RAI1: variants seen among roughly 807,000 people sequenced by gnomAD.
RAI1 encodes the protein retinoic acid induced 1, also known as retinoic acid-induced protein 1.
A neutral mutation model predicts 123.8 loss-of-function variants in RAI1; 9 were observed. The observed-to-expected ratio is 0.07, with a 90% confidence interval of 0.04 to 0.13. The LOEUF is 0.13. Ranked by LOEUF, RAI1 falls within the 10% of genes least tolerant of loss-of-function variation. The pLI, the probability that RAI1 is intolerant of heterozygous loss-of-function variation, is 1.00. For synonymous variants in RAI1, 1,231 were observed against 1,127.3 expected (o/e 1.09, Z -1.84); for missense variants, 2,256 against 2,545.8 (o/e 0.89, Z 2.45).
intron 2 of RAI1, among the ~76,000 whole-genome samples, chr17:17,740,004 C>G (rs1916568864): frequency 6.6e-6 from 1 of 152,234 alleles, no homozygotes; most frequent in African/African-American, 2.4e-5. Context: ...ATGGAAGCCT[C>G]CAGATGCTGC....
chr17:17,803,623 C>T (rs530341647), intron 3 of RAI1, 133 bp from the exon 4 acceptor site: 16 of 808,048 alleles, frequency 2.0e-5, no homozygotes, highest in African/African-American at 5.0e-5. Context: ...TGGACTCAGG[C>T]GATCCTCCCA....
At chr17:17,779,189 G>C (rs1005579938) in intron 2 of RAI1, 1 of 340,614 alleles carries the variant, frequency 2.9e-6, no homozygotes, top group East Asian at 7.9e-5. Context: ...AAAGCCTCCC[G>C]GGTGGCCCCA....
At chr17:17,725,473 G>A (rs1323492973) in intron 2 of RAI1, among the ~76,000 whole-genome samples, 1 of 152,150 alleles carries the variant, frequency 6.6e-6, no homozygotes, top group East Asian at 1.9e-4. Flanking sequence ...TGAGGCCATG[G>A]GAAGGGAATG....
intron 1 of RAI1, among the ~76,000 whole-genome samples, chr17:17,712,182 AGCT>A (rs552053339): frequency 9.0e-4 from 137 of 152,356 alleles, no homozygotes; most frequent in Non-Finnish European, 1.6e-3. Flanking sequence ...ATAGTCACTG[AGCT>A]GCAACTCTGT....
chr17:17,767,698 CTA>C (rs2030993499), intron 2 of RAI1, among the ~76,000 whole-genome samples: 1 of 152,240 alleles, frequency 6.6e-6, no homozygotes, highest in African/African-American at 2.4e-5. Context: ...ATCGCCCTCC[CTA>C]AGCCTCAGCC....
chr17:17,736,749 T>C (rs1264564321), intron 2 of RAI1, among the ~76,000 whole-genome samples: 2 of 152,126 alleles, frequency 1.3e-5, no homozygotes, highest in African/African-American at 4.8e-5. Context: ...AGGGCATTTT[T>C]GAGGAGTAAA....
chr17:17,714,629 CG>C lies in RAI1; in HGVS notation c.-148-9398del, dbSNP rs1192095142. On this transcript the variant is annotated intron_variant, in intron 1 of 5. Transcript: ENST00000353383. This position sits in a 1 kb window ranked among gnomAD's most constrained non-coding sequence, Gnocchi z 4.9. The stretch of plus-strand genomic sequence containing the variant: ...AGGTGAAAAACCTGAGGCTCAGAAA[CG>C]TAACGGGAAGCAGCTGGGTGCGAGC... Among the ~76,000 whole-genome samples, 3 of 152,148 alleles carry C rather than the reference CG, an allele frequency of 2.0e-5. No homozygotes were observed. In the East Asian group the frequency reaches 5.8e-4, roughly 29 times the overall value.
rs61049701 is a variant in RAI1 at position 17,688,025 on chromosome 17, C to CA, written c.-149+6253dup. Among the ~76,000 whole-genome samples, 753 of 90,026 alleles carry CA rather than the reference C, an allele frequency of 8.4e-3. 31 individuals are homozygous for CA. The highest frequency in any genetic ancestry group is 0.031 in the African/African-American group (641 of 20,794). 59.1% of individuals were successfully genotyped at this position (90,026 alleles called of 152,430 possible). On this transcript the variant is annotated intron_variant, in intron 1 of 5. Coordinates refer to ENST00000353383, the MANE Select transcript of RAI1 (RefSeq NM_030665.4). ...AGCCTGGGTGAAGGAGACTCTGTCT[C>CA]AAAAAAAAAAAAAAAAAAAAAGTGA...
Position 17,753,395 on chromosome 17 carries a change from C to G in RAI1, c.-17+29236C>G, listed in dbSNP as rs188731495. On this transcript the variant is annotated intron_variant, in intron 2 of 5. Coordinates refer to ENST00000353383, the MANE Select transcript of RAI1 (RefSeq NM_030665.4). ...AGAGCAGCGAGAAAATCTCCACACC[C>G]CTTACCCCCATGGCACTCCCACAAA... 2.0e-5 allele frequency among the ~76,000 whole-genome samples: 3 copies of G among 152,322 alleles called. 1 individual carries two copies. Among genetic ancestry groups the G allele is most frequent in the Admixed American group, 2.0e-4 (3 of 15,306 alleles).
rs1474227046 is a variant in RAI1, at chr17:17,800,816, G to A, written c.5565+2303G>A. Among the ~76,000 whole-genome samples the A allele has an allele frequency of 1.3e-5, 2 of 152,246 alleles. No homozygotes were observed. Among genetic ancestry groups the A allele is most frequent in the Non-Finnish European group, 2.9e-5 (2 of 68,042 alleles). On this transcript the variant is annotated intron_variant, in intron 3 of 5. Coordinates refer to ENST00000353383, the MANE Select transcript of RAI1 (RefSeq NM_030665.4). The surrounding 1 kb of genome is among the most constrained non-coding windows in gnomAD (Gnocchi z 4.7). ...CACTTTTGGCTCACCACCCCTTCCTGCCTCAGTGGCTTGGGGGCGCCATGC... is the reference window on the plus strand; with the variant it reads ...CACTTTTGGCTCACCACCCCTTCCTACCTCAGTGGCTTGGGGGCGCCATGC...
At chr17:17,742,230 C>T (rs1257343984) in intron 2 of RAI1, among the ~76,000 whole-genome samples, 2 of 152,252 alleles carry the variant, frequency 1.3e-5, no homozygotes, top group Non-Finnish European at 2.9e-5. Flanking sequence ...CTGCTTGCCC[C>T]ACCCTGGCCT....
chr17:17,761,462 G>T (rs1360788928), intron 2 of RAI1, among the ~76,000 whole-genome samples: 3 of 152,180 alleles, frequency 2.0e-5, no homozygotes, highest in Admixed American at 6.5e-5. Flanking sequence ...AGGCTCGCTG[G>T]GAGGCTGACA....
intron 1 of RAI1, among the ~76,000 whole-genome samples, chr17:17,683,237 T>A (rs1914506032): frequency 6.6e-6 from 1 of 151,806 alleles, no homozygotes; most frequent in East Asian, 1.9e-4. Flanking sequence ...AGTTGTCTGC[T>A]GCCCTGGGAG....
At chr17:17,727,010 TG>T (rs1368755004) in intron 2 of RAI1, among the ~76,000 whole-genome samples, 1 of 152,246 alleles carries the variant, frequency 6.6e-6, no homozygotes, top group Non-Finnish European at 1.5e-5. Flanking sequence ...ATTCCCCTTT[TG>T]TCCAACATTC....
intron 1 of RAI1, among the ~76,000 whole-genome samples, chr17:17,711,460 C>T (rs1567840230): frequency 1.3e-5 from 2 of 152,194 alleles, no homozygotes; most frequent in African/African-American, 4.8e-5. Context: ...CCATTCAGTC[C>T]TTTCAGAGGC....
chr17:17,691,382 C>T (rs1163273542), intron 1 of RAI1, among the ~76,000 whole-genome samples: 3 of 152,172 alleles, frequency 2.0e-5, no homozygotes, highest in Non-Finnish European at 4.4e-5. Context: ...CAGATGGAGC[C>T]CCTGCCCGTT....
At chr17:17,715,667 C>T (rs1915688451) in intron 1 of RAI1, among the ~76,000 whole-genome samples, 1 of 152,198 alleles carries the variant, frequency 6.6e-6, no homozygotes, top group African/African-American at 2.4e-5. Flanking sequence ...CCGCTCCTGA[C>T]CTTCCAGCAG....
At chr17:17,762,833 C>T (rs890488142) in intron 2 of RAI1, among the ~76,000 whole-genome samples, 1 of 152,068 alleles carries the variant, frequency 6.6e-6, no homozygotes, top group Admixed American at 6.5e-5. Flanking sequence ...CACTGCACTC[C>T]TGCCCACACT....
At chr17:17,715,260 C>T (rs1277488294) in intron 1 of RAI1, among the ~76,000 whole-genome samples, 1 of 152,234 alleles carries the variant, frequency 6.6e-6, no homozygotes, top group Non-Finnish European at 1.5e-5. Flanking sequence ...CTGGGCTGCT[C>T]TGAGCTGGGC....
Sources: gnomAD v4.1 joint callset for allele counts (sites outside exome capture counted in the v4.1 genomes callset) on GRCh38, gnomAD v4.1.1 for gene constraint, Gnocchi (gnomAD v3.1) non-coding constraint, MANE v1.5 for transcripts, NCBI Gene and HGNC (gene_info 2026-07-23, HGNC 2026-07-21) for gene names.